Variants in CCDC74A observed in about 807,000 individuals in gnomAD.
CCDC74A encodes coiled-coil domain containing 74A.
CCDC74A carries 38 observed loss-of-function variants against 37.6 expected under a neutral mutation model. The observed-to-expected ratio is 1.01, with a 90% confidence interval of 0.78 to 1.33. The LOEUF (loss-of-function observed/expected upper bound fraction) is 1.33. CCDC74A is among the 40% of genes most tolerant of loss of function. The pLI, the probability that CCDC74A is intolerant of heterozygous loss-of-function variation, is 0.00. For synonymous variants in CCDC74A, 134 were observed against 165.2 expected (o/e 0.81, Z 1.45); for missense variants, 340 against 403.4 (o/e 0.84, Z 1.35).
Position 131,533,462 on chromosome 2 carries a change from A to G in CCDC74A, c.*64A>G. 1 of 1,591,542 alleles carries G rather than the reference A, an allele frequency of 6.3e-7. No individual in the cohort carries two copies. Among genetic ancestry groups the G allele is most frequent in the Non-Finnish European group, 8.6e-7 (1 of 1,165,990 alleles). On this transcript the variant is annotated 3_prime_UTR_variant, in exon 8 of 8. Transcript: ENST00000409856. The stretch of plus-strand genomic sequence containing the variant: ...CAGCTGGAGACTGGCTCTCTATAGC[A>G]TTTCCTGATACTTCCGCTACTTTTA...
rs776937225 is a variant in CCDC74A, at chr2:131,529,504, C to G, written c.251-143C>G. 3 of 1,095,296 alleles carry G rather than the reference C, an allele frequency of 2.7e-6. No individual in the cohort carries two copies. The African/African-American group carries it at 4.7e-5, about 17-fold the overall frequency. The allele number at this position is 1,095,296 out of a possible 1,614,324, so 67.8% of individuals were successfully genotyped here. A position where few individuals can be genotyped will look rare whatever the true frequency, so the allele number is the denominator to read the frequency against. On this transcript the variant is annotated intron_variant, in intron 1 of 7. Transcript: ENST00000409856. ...CCCACGACGAAGGCGTGGTGGAGAG[C>G]GGGATCCATGGGGCAGGGCCCAATC...
rs371429059 is a variant in CCDC74A, at chr2:131,530,772, T to C, written c.296-5T>C. 3 of 1,612,356 alleles carry C rather than the reference T, an allele frequency of 1.9e-6. No individual in the cohort carries two copies. Among genetic ancestry groups the C allele is most frequent in the African/African-American group, 1.3e-5 (1 of 74,536 alleles). On this transcript the variant is annotated splice_polypyrimidine_tract_variant and splice_region_variant and intron_variant, in intron 2 of 7. Coordinates refer to ENST00000409856, the MANE Select transcript of CCDC74A (RefSeq NM_001258306.3). Reference sequence around the variant, plus strand: ...GTAGCGCCGACACTGTGCGCTCTCCTGCAGACAGCCTCTCCATGTCAAGCT... The same window carrying C: ...GTAGCGCCGACACTGTGCGCTCTCCCGCAGACAGCCTCTCCATGTCAAGCT...
At chr2:131,528,485 C>T in intron 1 of CCDC74A, 2 of 1,502,156 alleles carry the variant, frequency 1.3e-6, no homozygotes, top group East Asian at 2.5e-5. Context: ...CCTCTCCTCT[C>T]CAAGCAGGGT....
At chr2:131,533,161 G>C (rs1573558607) in intron 7 of CCDC74A, 92 bp downstream of exon 7, 1 of 1,608,544 alleles carries the variant, frequency 6.2e-7, no homozygotes, top group East Asian at 2.2e-5. Flanking sequence ...CGCAGAAGCA[G>C]AGCTCGCTGA....
chr2:131,529,231 T>C, intron 1 of CCDC74A: 1 of 321,008 alleles, frequency 3.1e-6, no homozygotes, highest in Non-Finnish European at 6.0e-6. Context: ...AGGACCCCGC[T>C]TCCCCATGTC....
upstream of CCDC74A, among the ~76,000 whole-genome samples, chr2:131,524,886 C>CAAAAAAAAAAAAAAAAAA (rs57589680): frequency 1.0e-5 from 1 of 98,278 alleles, no homozygotes. Context: ...CATAGTAAGA[C>CAAAAAAAAAAAAAAAAAA]AAAAAAAAAA....
In CCDC74A at chr2:131,529,751, CAG is replaced by C. The variant is rs781326391; in HGVS notation, c.295+62_295+63del. 8 of 1,597,818 alleles carry C rather than the reference CAG, an allele frequency of 5.0e-6. No homozygotes were observed. In the African/African-American group the frequency reaches 9.4e-5, roughly 19 times the overall value. Reference sequence around the variant, plus strand: ...CTCTTGCCACCCAGGGGAGCCCCTCCAGACTGTCCTTGCCCACCTGGCTGCAC... The same window carrying C: ...CTCTTGCCACCCAGGGGAGCCCCTCCACTGTCCTTGCCCACCTGGCTGCAC... On this transcript the variant is annotated intron_variant, in intron 2 of 7. Coordinates refer to ENST00000409856, the MANE Select transcript of CCDC74A (RefSeq NM_001258306.3).
rs1681137158 is a variant in CCDC74A, at chr2:131,530,776, G to A, written c.296-1G>A. 1 of 1,611,952 alleles carries A rather than the reference G, an allele frequency of 6.2e-7. No homozygotes were observed. The highest frequency in any genetic ancestry group is 8.5e-7 in the Non-Finnish European group (1 of 1,179,614). ...CGCCGACACTGTGCGCTCTCCTGCA[G>A]ACAGCCTCTCCATGTCAAGCTTCCA... On this transcript the variant is annotated splice_acceptor_variant, in intron 2 of 7. Transcript: ENST00000409856. LOFTEE classifies it high-confidence loss of function.
chr2:131,527,644 G>A (rs999541752), upstream of CCDC74A: 10 of 311,814 alleles, frequency 3.2e-5, no homozygotes, highest in African/African-American at 6.6e-5. Context: ...ACTGGCTCCC[G>A]CCACTACACC....
chr2:131,528,541 C>T (rs1210582024), intron 1 of CCDC74A: 26 of 1,113,674 alleles, frequency 2.3e-5, no homozygotes, highest in Non-Finnish European at 3.3e-5. Context: ...CCGGGCGCGG[C>T]GGCTCACGCC....
intron 4 of CCDC74A, among the ~76,000 whole-genome samples, chr2:131,532,123 T>C (rs1459374420): frequency 2.0e-5 from 3 of 149,860 alleles, no homozygotes; most frequent in Non-Finnish European, 4.5e-5. Flanking sequence ...AAGAGAAGGC[T>C]TGCTGCCCCT....
rs1352794418 is a variant in CCDC74A at position 131,529,687 on chromosome 2, G to C, written c.291G>C (p.Lys97Asn). ...YKLIMNQTSQ[K>N]KDSLSMSSFQ... ...TCATAATGAATCAGACATCACAGAAGAAAGGTGAGAACTGGGCCCTTCAGT... is the reference window on the plus strand; with the variant it reads ...TCATAATGAATCAGACATCACAGAACAAAGGTGAGAACTGGGCCCTTCAGT... The change falls in exon 2 of 8, where the codon AAG (lysine) becomes AAC (asparagine). Residue 97 changes from lysine (K) to asparagine (N), a missense_variant. Transcript: ENST00000409856. 6.2e-7 allele frequency: 1 copy of C among 1,614,018 alleles called. No individual in the cohort carries two copies. Among genetic ancestry groups the C allele is most frequent in the East Asian group, 2.2e-5 (1 of 44,888 alleles).
rs781391784 is a variant in CCDC74A at position 131,532,665 on chromosome 2, G to T, written c.562G>T (p.Ala188Ser). ...CCAGCACCAGGGCAGGCAGATGGGG[G>T]CGGGGGCACACCCCCCAATGATCCT... The part of the protein sequence containing the change: ...NSQHQGRQMG[A>S]GAHPPMILPL... The change falls in exon 5 of 8, where the codon GCG becomes TCG. Residue 188 changes from alanine (A) to serine (S), a missense_variant. Physicochemically the swap from Ala to Ser is moderately conservative, Grantham distance 99 (BLOSUM62 1). This residue lies in a region of CCDC74A where 185 missense variants were observed against 231.5 expected (regional missense o/e 0.80). Coordinates refer to ENST00000409856, the MANE Select transcript of CCDC74A (RefSeq NM_001258306.3). 8 of 1,613,032 alleles carry T rather than the reference G, an allele frequency of 5.0e-6. No individual in the cohort carries two copies. The highest frequency in any genetic ancestry group is 6.8e-6 in the Non-Finnish European group (8 of 1,179,482).
chr2:131,527,382 T>C (rs1415986634), upstream of CCDC74A, among the ~76,000 whole-genome samples: 2 of 152,128 alleles, frequency 1.3e-5, no homozygotes, highest in Non-Finnish European at 2.9e-5. Flanking sequence ...CCTCCCGCCT[T>C]AGCCTCCCGA....
chr2:131,533,459 A>G lies in CCDC74A; in HGVS notation c.*61A>G. ...CTGCAGCTGGAGACTGGCTCTCTAT[A>G]GCATTTCCTGATACTTCCGCTACTT... On this transcript the variant is annotated 3_prime_UTR_variant, in exon 8 of 8. Coordinates refer to ENST00000409856, the MANE Select transcript of CCDC74A (RefSeq NM_001258306.3). The G allele has an allele frequency of 6.3e-7, 1 of 1,595,134 alleles. No homozygotes were observed. The highest frequency in any genetic ancestry group is 8.6e-7 in the Non-Finnish European group (1 of 1,168,206).
chr2:131,527,798 GAT>G, upstream of CCDC74A: 1 of 842,736 alleles, frequency 1.2e-6, no homozygotes, highest in South Asian at 2.2e-5. Context: ...CCCAGCCCTG[GAT>G]GCCTTGTAAA....
At chr2:131,527,211 G>A (rs1680372330), upstream of CCDC74A, among the ~76,000 whole-genome samples, 4 of 152,046 alleles carry the variant, frequency 2.6e-5, no homozygotes, top group African/African-American at 7.3e-5. Context: ...CTGGGTTCAA[G>A]TGATTCTCCT....
chr2:131,527,714 C>T, upstream of CCDC74A: 1 of 505,280 alleles, frequency 2.0e-6, no homozygotes, highest in Middle Eastern at 5.2e-4. Flanking sequence ...AGGCTGGTCA[C>T]GAACTCCTGA....
At chr2:131,523,608 C>CA (rs1421017524), upstream of CCDC74A, among the ~76,000 whole-genome samples, 5 of 152,294 alleles carry the variant, frequency 3.3e-5, no homozygotes, top group South Asian at 2.1e-4. Flanking sequence ...GCCTGGGTGA[C>CA]AGAGACTCCC....
Sources: allele counts gnomAD v4.1 joint callset (sites outside exome capture counted in the v4.1 genomes callset), GRCh38; gene constraint gnomAD v4.1.1; regional missense constraint gnomAD v4.1.1; transcripts MANE v1.5; gene names NCBI Gene and HGNC (gene_info 2026-07-23, HGNC 2026-07-21).